GLIS3: variants seen among roughly 807,000 people sequenced by gnomAD.
GLIS3 encodes zinc finger protein GLIS3.
GLIS3 carries 53 observed loss-of-function variants against 78.6 expected under a neutral mutation model. The ratio of observed to expected loss-of-function variants is 0.67; its 90% CI spans 0.54 to 0.85. GLIS3 has a LOEUF of 0.85. Among genes scored for constraint, GLIS3 ranks in the 40% least tolerant of loss-of-function variants. The pLI is 0.00. For missense variants in GLIS3, 1,703 were observed against 1,231.1 expected (o/e 1.38, Z -5.74); for synonymous variants, 684 against 509.9 (o/e 1.34, Z -4.60).
intron 4 of GLIS3, among the ~76,000 whole-genome samples, chr9:3,965,193 C>CTTT (rs34951383): frequency 1.7e-4 from 17 of 100,152 alleles, no homozygotes; most frequent in African/African-American, 5.1e-4. Context: ...CTTTTCTTTT[C>CTTT]TTTTTTTTTT....
chr9:4,147,676 G>A (rs1834334783), intron 2 of GLIS3: 1 of 152,188 alleles, frequency 6.6e-6, no homozygotes, highest in Non-Finnish European at 1.5e-5. Flanking sequence ...CCTTCAAGGG[G>A]AACTGCTGGT....
intron 4 of GLIS3, among the ~76,000 whole-genome samples, chr9:3,964,535 C>A (rs1223750324): frequency 6.6e-5 from 10 of 152,144 alleles, no homozygotes; most frequent in Non-Finnish European, 1.5e-5. Context: ...TTAATTAAAT[C>A]TGATGTTCTG....
intron 2 of GLIS3, among the ~76,000 whole-genome samples, chr9:4,127,140 G>A (rs1832635725): frequency 6.6e-6 from 1 of 152,150 alleles, no homozygotes; most frequent in Non-Finnish European, 1.5e-5. Flanking sequence ...AAAATGCTGG[G>A]GGAGTCACAG....
the GLIS3 span, among the ~76,000 whole-genome samples, chr9:4,467,071 G>C: frequency 6.6e-6 from 1 of 152,246 alleles, no homozygotes; most frequent in East Asian, 1.9e-4. Context: ...CAAGGTGGCA[G>C]CGAGGCTGGG....
intron 4 of GLIS3, among the ~76,000 whole-genome samples, chr9:4,046,151 A>G (rs1200916073): frequency 6.6e-6 from 1 of 152,228 alleles, no homozygotes; most frequent in Non-Finnish European, 1.5e-5. Flanking sequence ...AGTCTTATAA[A>G]TTATAGAGGG....
chr9:4,448,718 T>C, the GLIS3 span, among the ~76,000 whole-genome samples: 1 of 152,218 alleles, frequency 6.6e-6, no homozygotes, highest in Non-Finnish European at 1.5e-5. Context: ...GTGAAAATCA[T>C]TATGTCCTTT....
intron 3 of GLIS3, among the ~76,000 whole-genome samples, chr9:4,122,899 G>A (rs1418427696): frequency 6.6e-6 from 1 of 152,146 alleles, no homozygotes; most frequent in Non-Finnish European, 1.5e-5. Flanking sequence ...AATCGAGAAT[G>A]ACTCCTGGAT....
At chr9:3,979,468 C>T (rs139267732) in intron 4 of GLIS3, among the ~76,000 whole-genome samples, 113 of 152,358 alleles carry the variant, frequency 7.4e-4, no homozygotes, top group Middle Eastern at 3.4e-3. Context: ...TGTGCCAATG[C>T]CATTTCATTG....
At chr9:4,283,357 C>T (rs1246100065) in intron 2 of GLIS3, among the ~76,000 whole-genome samples, 2 of 151,938 alleles carry the variant, frequency 1.3e-5, no homozygotes, top group African/African-American at 4.8e-5. Flanking sequence ...TCTCTGCCTC[C>T]CAGGCTCAAG....
At chr9:4,471,544 G>A in the GLIS3 span, among the ~76,000 whole-genome samples, 1 of 152,128 alleles carries the variant, frequency 6.6e-6, no homozygotes, top group Non-Finnish European at 1.5e-5. Context: ...GGGAAAACTG[G>A]CTAGCCGTAT....
At chr9:3,969,020 A>T (rs1312712802) in intron 4 of GLIS3, among the ~76,000 whole-genome samples, 2 of 152,164 alleles carry the variant, frequency 1.3e-5, no homozygotes, top group African/African-American at 2.4e-5. Flanking sequence ...CCATTGTGTC[A>T]CAGAAGCAAT....
intron 2 of GLIS3, among the ~76,000 whole-genome samples, chr9:4,168,509 T>C (rs1397733314): frequency 2.0e-5 from 3 of 152,106 alleles, no homozygotes; most frequent in African/African-American, 7.2e-5. Context: ...AAGAATGAAA[T>C]TGAATTGTGA....
intron 2 of GLIS3, among the ~76,000 whole-genome samples, chr9:4,135,083 A>G (rs1340229838): frequency 1.3e-5 from 2 of 152,076 alleles, no homozygotes; most frequent in Admixed American, 6.5e-5. Context: ...CCCCTCATAG[A>G]CCCCAAATTA....
chr9:4,316,224 G>T (rs1009143176), intron 2 of GLIS3, among the ~76,000 whole-genome samples: 1 of 152,160 alleles, frequency 6.6e-6, no homozygotes, highest in African/African-American at 2.4e-5. Context: ...AAATTGTAAA[G>T]AATAATCATT....
chr9:4,152,167 C>G, intron 2 of GLIS3: 2 of 975,428 alleles, frequency 2.1e-6, no homozygotes, highest in Non-Finnish European at 2.4e-6. Context: ...CTCCAACACC[C>G]TTCAACCATA....
chr9:4,402,760 A>T, the GLIS3 span, among the ~76,000 whole-genome samples: 1 of 152,194 alleles, frequency 6.6e-6, no homozygotes, highest in Admixed American at 6.5e-5. Flanking sequence ...AAGACAGGCT[A>T]TTTGAAAACA....
chr9:4,412,112 A>G, the GLIS3 span, among the ~76,000 whole-genome samples: 1 of 152,184 alleles, frequency 6.6e-6, no homozygotes, highest in Non-Finnish European at 1.5e-5. Context: ...TGTCTTGCTC[A>G]TCCTACCACC....
chr9:4,412,420 G>A, the GLIS3 span, among the ~76,000 whole-genome samples: 1 of 152,150 alleles, frequency 6.6e-6, no homozygotes, highest in South Asian at 2.1e-4. Flanking sequence ...CTGAACTAGA[G>A]AGTATTCCAT....
chr9:4,217,917 G>A (rs775524100), intron 2 of GLIS3, among the ~76,000 whole-genome samples: 31 of 152,182 alleles, frequency 2.0e-4, no homozygotes, highest in Non-Finnish European at 3.2e-4. Flanking sequence ...TGCAAGATGA[G>A]GACTTACAAA....
Sources: gnomAD v4.1 joint callset for allele counts (sites outside exome capture counted in the v4.1 genomes callset) on GRCh38, gnomAD v4.1.1 for gene constraint, MANE v1.5 for transcripts, NCBI Gene and HGNC (gene_info 2026-07-23, HGNC 2026-07-21) for gene names.